The following FBN2 variants were observed in gnomAD, a reference collection of about 807,000 sequenced individuals.
FBN2 encodes fibrillin 2, also known as fibrillin-2.
FBN2 carries 105 observed loss-of-function variants against 355.6 expected under a neutral mutation model. The observed-to-expected ratio is 0.30, with a 90% CI of 0.25 to 0.35. The LOEUF (loss-of-function observed/expected upper bound fraction) is 0.35, where lower values mean the gene tolerates loss of function less well. FBN2 is among the 10% of genes least tolerant of loss of function. FBN2 has a pLI of 1.00. For synonymous variants in FBN2, 1,350 were observed against 1,301.2 expected (o/e 1.04, Z -0.81); for missense variants, 3,280 against 3,758.7 (o/e 0.87, Z 3.33).
chr5:128,305,803 A>G lies in FBN2; in HGVS notation c.5548+20T>C, dbSNP rs372334617. 4.5e-5 allele frequency: 72 copies of G among 1,613,450 alleles called. No individual in the cohort carries two copies. The highest frequency in any genetic ancestry group is 5.9e-5 in the Non-Finnish European group (69 of 1,179,486). ...TATACCAAATTATACTGGATAAAGGACATACTTTATTCAGATTACCTTCAC... is the reference window on the plus strand; with the variant it reads ...TATACCAAATTATACTGGATAAAGGGCATACTTTATTCAGATTACCTTCAC... On this transcript the variant is annotated intron_variant, in intron 43 of 64. Coordinates refer to ENST00000262464, the MANE Select transcript of FBN2 (RefSeq NM_001999.4).
intron 9 of FBN2, 110 bp from the exon 10 acceptor site, chr5:128,393,478 G>T: frequency 1.2e-6 from 1 of 805,868 alleles, no homozygotes; most frequent in Non-Finnish European, 2.1e-6. Context: ...TACACAATAT[G>T]ATTAAGTAGG....
chr5:128,409,513 T>C (rs1386238205), intron 7 of FBN2, among the ~76,000 whole-genome samples: 1 of 152,202 alleles, frequency 6.6e-6, no homozygotes, highest in South Asian at 2.1e-4. Flanking sequence ...AACCCAGTCA[T>C]TTATATAAAC....
At chr5:128,385,554 A>T (rs111638661) in intron 11 of FBN2, among the ~76,000 whole-genome samples, 2 of 152,096 alleles carry the variant, frequency 1.3e-5, no homozygotes, top group Admixed American at 6.6e-5. Context: ...AACATTTTAT[A>T]TTCCTTTGGG....
intron 7 of FBN2, among the ~76,000 whole-genome samples, chr5:128,427,040 C>G (rs1301149648): frequency 6.6e-6 from 1 of 152,168 alleles, no homozygotes; most frequent in Non-Finnish European, 1.5e-5. Flanking sequence ...TATTGCCAAC[C>G]TTGACCTTGC....
intron 8 of FBN2, among the ~76,000 whole-genome samples, chr5:128,399,117 T>A (rs1020022180): frequency 6.6e-6 from 1 of 152,186 alleles, no homozygotes; most frequent in African/African-American, 2.4e-5. Context: ...GATACTAACT[T>A]AGAACTTTCT....
intron 11 of FBN2, among the ~76,000 whole-genome samples, chr5:128,381,971 T>A (rs1157522100): frequency 1.3e-5 from 2 of 152,076 alleles, no homozygotes; most frequent in Admixed American, 6.6e-5. Flanking sequence ...TCTTTTATAA[T>A]CATAGTGGAC....
At chr5:128,373,192 T>C (rs1246587618) in intron 15 of FBN2, among the ~76,000 whole-genome samples, 6 of 152,222 alleles carry the variant, frequency 3.9e-5, no homozygotes, top group African/African-American at 1.2e-4. Context: ...CGCATGTTGG[T>C]TACTTAAGAG....
rs1749222138 is a variant in FBN2, at chr5:128,288,509, G to A, written c.6686C>T (p.Thr2229Ile). The change falls in exon 53 of 65, where the codon ACC (threonine) becomes ATC (isoleucine). Residue 2229 changes from threonine (T) to isoleucine (I), a missense_variant. Coordinates refer to ENST00000262464, the MANE Select transcript of FBN2 (RefSeq NM_001999.4). ...GCATTCAAAACTCCCAATAACATTG[G>A]TGCATGTACCATTTCCACACGGATT... ...IGNPCGNGTCTNVIGSFECNC... is the reference protein window; with the variant it reads ...IGNPCGNGTCINVIGSFECNC... The A allele has an allele frequency of 3.1e-6, 5 of 1,613,792 alleles. No individual in the cohort carries two copies. The highest frequency in any genetic ancestry group is 4.2e-6 in the Non-Finnish European group (5 of 1,179,788).
intron 5 of FBN2, among the ~76,000 whole-genome samples, chr5:128,478,425 A>G (rs569660724): frequency 9.9e-4 from 150 of 152,282 alleles, no homozygotes; most frequent in African/African-American, 3.5e-3. Context: ...TCTTTTGGTA[A>G]CCTTTAAACA....
chr5:128,264,087 A>G (rs1765054709), intron 62 of FBN2, among the ~76,000 whole-genome samples: 1 of 152,240 alleles, frequency 6.6e-6, no homozygotes, highest in Middle Eastern at 3.4e-3. Flanking sequence ...GGAGGTGATG[A>G]GAATGTTCGG....
chr5:128,444,281 C>T (rs1009425204), intron 7 of FBN2, among the ~76,000 whole-genome samples: 6 of 151,372 alleles, frequency 4.0e-5, no homozygotes, highest in African/African-American at 1.2e-4. Context: ...ACCTTGTTAG[C>T]CAGGATGGTC....
chr5:128,363,899 A>G (rs1172316452), intron 18 of FBN2, among the ~76,000 whole-genome samples: 1 of 152,242 alleles, frequency 6.6e-6, no homozygotes, highest in East Asian at 1.9e-4. Flanking sequence ...ACTACCAGAA[A>G]CACAGAAAAA....
At chr5:128,433,420 A>G (rs1753675582) in intron 7 of FBN2, among the ~76,000 whole-genome samples, 1 of 152,236 alleles carries the variant, frequency 6.6e-6, no homozygotes, top group African/African-American at 2.4e-5. Context: ...ATTTTGCAAC[A>G]TAAGAGGTTT....
intron 5 of FBN2, among the ~76,000 whole-genome samples, chr5:128,479,996 A>C (rs1330364028): frequency 0.06 from 2,972 of 49,860 alleles, 37 homozygotes; most frequent in Non-Finnish European, 0.078. Flanking sequence ...ATATATATAT[A>C]TATATATATA....
At chr5:128,417,871 C>G (rs748686180) in intron 7 of FBN2, among the ~76,000 whole-genome samples, 3 of 152,014 alleles carry the variant, frequency 2.0e-5, no homozygotes, top group Non-Finnish European at 2.9e-5. Context: ...CTTTCCTTTT[C>G]AATTTTTGGG....
At chr5:128,388,353 T>G (rs918649029) in intron 11 of FBN2, among the ~76,000 whole-genome samples, 7 of 152,228 alleles carry the variant, frequency 4.6e-5, no homozygotes, top group African/African-American at 1.7e-4. Flanking sequence ...AAGGATAATA[T>G]TGGTATGTGC....
chr5:128,413,435 C>T (rs1055752399), intron 7 of FBN2, among the ~76,000 whole-genome samples: 1 of 152,082 alleles, frequency 6.6e-6, no homozygotes, highest in African/African-American at 2.4e-5. Context: ...TCAAGTGTGA[C>T]TTCAAAGGGC....
At chr5:128,467,867 A>G (rs999323481) in intron 5 of FBN2, among the ~76,000 whole-genome samples, 2 of 152,184 alleles carry the variant, frequency 1.3e-5, no homozygotes, top group African/African-American at 4.8e-5. Context: ...TGCTTATGCA[A>G]TTTCCATTTT....
At chr5:128,481,284 A>G (rs927191989) in intron 5 of FBN2, among the ~76,000 whole-genome samples, 1 of 152,212 alleles carries the variant, frequency 6.6e-6, no homozygotes, top group East Asian at 1.9e-4. Flanking sequence ...CTTTTGATTC[A>G]TGACTGTTAG....
Sources: gnomAD v4.1 joint callset for allele counts (sites outside exome capture counted in the v4.1 genomes callset) on GRCh38, gnomAD v4.1.1 for gene constraint, MANE v1.5 for transcripts, NCBI Gene and HGNC (gene_info 2026-07-23, HGNC 2026-07-21) for gene names.